ITGA2B: variants seen among roughly 807,000 people sequenced by gnomAD.
ITGA2B encodes the protein integrin alpha-IIb.
ITGA2B carries 91 observed loss-of-function variants against 142.0 expected under a neutral mutation model. The observed-to-expected ratio is 0.64, with a 90% CI of 0.54 to 0.76. ITGA2B has a LOEUF of 0.76. Ranked by LOEUF, ITGA2B falls within the 30% of genes least tolerant of loss-of-function variation. ITGA2B has a pLI of 0.00. For missense variants in ITGA2B, 1,231 were observed against 1,350.8 expected, an observed-to-expected ratio of 0.91 and a Z score of 1.39; for synonymous variants, 536 against 567.2, an observed-to-expected ratio of 0.94 and a Z score of 0.78.
Position 44,375,095 on chromosome 17 carries a change from G to C in ITGA2B, c.2744C>G (p.Pro915Arg). Reference sequence around the variant, plus strand: ...CAGGTCACACTGCACCACAGTACAGGGCGCCGAGTCGCAGCTCTGAGGGGA... The same window carrying C: ...CAGGTCACACTGCACCACAGTACAGCGCGCCGAGTCGCAGCTCTGAGGGGA... ...DPVLVSCDSA[P>R]CTVVQCDLQE... Residue 915 changes from proline (P) to arginine (R), a missense_variant, in exon 27 of 30, where the codon CCC (proline) becomes CGC (arginine). Around this residue, in one of 3 missense-constraint regions of ITGA2B, gnomAD observed 908 missense variants for 1,021.1 expected, o/e 0.89. Coordinates refer to ENST00000262407, the MANE Select transcript of ITGA2B (RefSeq NM_000419.5). The C allele has an allele frequency of 1.9e-6, 3 of 1,549,148 alleles. No homozygotes were observed. Among genetic ancestry groups the C allele is most frequent in the Non-Finnish European group, 2.6e-6 (3 of 1,146,944 alleles).
At chr17:44,387,437 C>T (rs1446208290) in intron 1 of ITGA2B, among the ~76,000 whole-genome samples, 10 of 151,974 alleles carry the variant, frequency 6.6e-5, no homozygotes, top group Admixed American at 2.6e-4. Context: ...ACAGGAGAAT[C>T]GTTTGAACCC....
In ITGA2B at chr17:44,380,454, C is replaced by G; in HGVS notation, c.1476G>C (p.Leu492=). 1 of 1,614,138 alleles carries G rather than the reference C, an allele frequency of 6.2e-7. No homozygotes were observed. The highest frequency in any genetic ancestry group is 1.3e-5 in the African/African-American group (1 of 75,050). Reference sequence around the variant, plus strand: ...CAGCAGGATTCAGTGAATCTTGCACCAGTAGCTGGACAGAGGCCTTCACCA... The same window carrying G: ...CAGCAGGATTCAGTGAATCTTGCACGAGTAGCTGGACAGAGGCCTTCACCA... The part of the protein sequence containing the change: ...QPVVKASVQL[L]VQDSLNPAVK... The change falls in exon 15 of 30, where the codon CTG becomes CTC. Residue 492 remains leucine, a synonymous_variant. Transcript: ENST00000262407.
At chr17:44,388,841 T>C (rs1010456266) in intron 1 of ITGA2B, among the ~76,000 whole-genome samples, 1 of 136,800 alleles carries the variant, frequency 7.3e-6, no homozygotes, top group Admixed American at 7.7e-5. Context: ...TTTTTTGTAT[T>C]TTTAGTAGAG....
At chr17:44,387,932 C>T (rs2048664935) in intron 1 of ITGA2B, among the ~76,000 whole-genome samples, 1 of 152,038 alleles carries the variant, frequency 6.6e-6, no homozygotes, top group African/African-American at 2.4e-5. Context: ...CCACACCTGC[C>T]TCCACTCTCC....
chr17:44,377,077 C>T lies in ITGA2B; in HGVS notation c.2199G>A (p.Ala733=), dbSNP rs747199130. The change falls in exon 22 of 30, where the codon GCG becomes GCA. Residue 733 remains alanine, a synonymous_variant. Coordinates refer to ENST00000262407, the MANE Select transcript of ITGA2B (RefSeq NM_000419.5). ...CCAGATTCCCCACGCTCACCAACAT[C>T]GCGATTCCTATCTGGGAGATGAGGA... ...PMKKNAQIGI[A]MLVSVGNLEE... 1.7e-5 allele frequency: 27 copies of T among 1,579,604 alleles called. No homozygotes were observed. Among genetic ancestry groups the T allele is most frequent in the Middle Eastern group, 1.7e-4 (1 of 6,026 alleles).
At position 44,386,025 on chromosome 17, in the gene ITGA2B, G is replaced by A; in HGVS notation, c.295C>T (p.Leu99=). ...TGGGACTCACGGAGGTCAAAGAGCA[G>A]CGAGGGGCACTGGCCGCCCTCGGCC... ...WRAEGGQCPS[L]LFDLRDETRN... is the part of the protein sequence containing the mutation. Residue 99 remains leucine (L), a synonymous_variant, in exon 2 of 30, where the codon CTG becomes TTG. Coordinates refer to ENST00000262407, the MANE Select transcript of ITGA2B (RefSeq NM_000419.5). 1 of 1,613,718 alleles carries A rather than the reference G, an allele frequency of 6.2e-7. No individual in the cohort carries two copies. Among genetic ancestry groups the A allele is most frequent in the East Asian group, 2.2e-5 (1 of 44,882 alleles).
Position 44,379,908 on chromosome 17 carries a change from C to T in ITGA2B, c.1752+94G>A, listed in dbSNP as rs2048578983. 4.3e-6 allele frequency: 7 copies of T among 1,612,544 alleles called. No individual in the cohort carries two copies. The Admixed American group carries it at 8.3e-5, about 19-fold the overall frequency. ...ACCGTGTCCTGACCACCCCCGGACTCACAGCACCCAGCTCAGTGCCCCAGG... is the reference window on the plus strand; with the variant it reads ...ACCGTGTCCTGACCACCCCCGGACTTACAGCACCCAGCTCAGTGCCCCAGG... On this transcript the variant is annotated intron_variant, in intron 17 of 29. Coordinates refer to ENST00000262407, the MANE Select transcript of ITGA2B (RefSeq NM_000419.5).
Position 44,378,455 on chromosome 17 carries a change from G to C in ITGA2B, c.2001C>G (p.Asp667Glu), listed in dbSNP as rs184333409. Residue 667 changes from aspartate (D) to glutamate (E), a missense_variant, in exon 20 of 30, where the codon GAC becomes GAG. Physicochemically the swap from Asp to Glu is conservative, Grantham distance 45 (BLOSUM62 2). Around this residue, in one of 3 missense-constraint regions of ITGA2B, gnomAD observed 908 missense variants for 1,021.1 expected, o/e 0.89. Coordinates refer to ENST00000262407, the MANE Select transcript of ITGA2B (RefSeq NM_000419.5). ...GADNVLELQM[D>E]AANEGEGAYE... The stretch of plus-strand genomic sequence containing the variant: ...AGGCCCCCTCGCCCTCGTTGGCTGC[G>C]TCCATCTGCAGCTCCAGGACATTAT... 6.2e-7 allele frequency: 1 copy of C among 1,613,592 alleles called. No homozygotes were observed. The highest frequency in any genetic ancestry group is 8.5e-7 in the Non-Finnish European group (1 of 1,179,886).
chr17:44,375,161 T>G, intron 26 of ITGA2B, 50 bp from the exon 27 acceptor site: 1 of 1,464,856 alleles, frequency 6.8e-7, no homozygotes, highest in Non-Finnish European at 9.3e-7. Flanking sequence ...CATCACCCCA[T>G]CATCCCCCAC....
At position 44,384,473 on chromosome 17, in the gene ITGA2B, G is replaced by A. The variant is rs2048625943; in HGVS notation, c.847+65C>T. On this transcript the variant is annotated intron_variant, in intron 8 of 29. Coordinates refer to ENST00000262407, the MANE Select transcript of ITGA2B (RefSeq NM_000419.5). ...CAGGAAGATTTCCCTACATAGGGGA[G>A]ATTTCAGGAAGGCGCTCCTCCCCGG... is the stretch of plus-strand genomic sequence containing the variant. The A allele has an allele frequency of 9.3e-6, 15 of 1,609,942 alleles. No homozygotes were observed. The South Asian group carries it at 1.6e-4, about 18-fold the overall frequency.
At chr17:44,374,088 T>G in intron 29 of ITGA2B, 1 of 430,956 alleles carries the variant, frequency 2.3e-6, no homozygotes, top group South Asian at 2.1e-5. Flanking sequence ...GTATTTTTAG[T>G]AGAGATGGGG....
intron 22 of ITGA2B, 130 bp downstream of exon 22, chr17:44,376,879 C>A: frequency 1.3e-6 from 1 of 741,384 alleles, no homozygotes; most frequent in Admixed American, 2.0e-5. Context: ...TCGCAACGTG[C>A]TGGGATTACA....
At chr17:44,384,466 T>C in intron 8 of ITGA2B, 72 bp downstream of exon 8, 1 of 1,607,112 alleles carries the variant, frequency 6.2e-7, no homozygotes, top group Non-Finnish European at 8.5e-7. Flanking sequence ...TTTCCCTACA[T>C]AGGGGAGATT....
chr17:44,378,028 T>C lies in ITGA2B; in HGVS notation c.2095-238A>G, dbSNP rs542989531. On this transcript the variant is annotated intron_variant, in intron 20 of 29. Transcript: ENST00000262407. ...CATTAGAGTATGACCCCCATTATTA[T>C]AAACTATATTAACAACATAAAAAAT... 7.3e-5 allele frequency among the ~76,000 whole-genome samples: 11 copies of C among 150,970 alleles called. No individual in the cohort carries two copies. The East Asian group carries it at 1.2e-3, about 16-fold the overall frequency.
chr17:44,382,676 C>A (rs1367407630), intron 12 of ITGA2B, among the ~76,000 whole-genome samples: 1 of 152,120 alleles, frequency 6.6e-6, no homozygotes, highest in East Asian at 1.9e-4. Context: ...CCATGCCTGG[C>A]ACCCTCTTCT....
Position 44,374,648 on chromosome 17 carries a change from C to T in ITGA2B, c.2943+11G>A, listed in dbSNP as rs762098188. On this transcript the variant is annotated intron_variant, in intron 28 of 29. Coordinates refer to ENST00000262407, the MANE Select transcript of ITGA2B (RefSeq NM_000419.5). ...GCAGGACTGGTCTCTGCTCCATCCC[C>T]CCACACTCACCTGAGCTTCCCCTCG... 4.3e-6 allele frequency: 7 copies of T among 1,610,662 alleles called. 1 individual carries two copies. In the East Asian group the frequency reaches 1.6e-4, roughly 36 times the overall value.
Position 44,380,617 on chromosome 17 carries a change from G to T in ITGA2B, c.1422C>A (p.Asn474Lys). The change falls in exon 14 of 30, where the codon AAC (asparagine) becomes AAA (lysine). Residue 474 changes from asparagine (N) to lysine (K), a missense_variant. Around this residue, in one of 3 missense-constraint regions of ITGA2B, gnomAD observed 908 missense variants for 1,021.1 expected, o/e 0.89. Transcript: ENST00000262407. ...GTGCTCACCTGTACACAGCCACCTGGTTGGCCCCGTAAGCTCCCACGATCA... is the reference window on the plus strand; with the variant it reads ...GTGCTCACCTGTACACAGCCACCTGTTTGGCCCCGTAAGCTCCCACGATCA... Reference protein sequence around the residue: ...PDLIVGAYGANQVAVYRAQPV... With the variant: ...PDLIVGAYGAKQVAVYRAQPV... 2 of 1,614,184 alleles carry T rather than the reference G, an allele frequency of 1.2e-6. No homozygotes were observed.
At position 44,385,434 on chromosome 17, in the gene ITGA2B, G is replaced by A. The variant is rs2048637613; in HGVS notation, c.575-99C>T. 4 of 1,527,012 alleles carry A rather than the reference G, an allele frequency of 2.6e-6. No individual in the cohort carries two copies. In the Admixed American group the frequency reaches 5.9e-5, roughly 22 times the overall value. The allele number at this position is 1,527,012 out of a possible 1,614,324, so 94.6% of individuals were successfully genotyped here. ...GACAGGGGCGGGGCCTTGAGTCGGCGGGGCCCTGGGGCGAGGCCAGATCCA... is the reference window on the plus strand; with the variant it reads ...GACAGGGGCGGGGCCTTGAGTCGGCAGGGCCCTGGGGCGAGGCCAGATCCA... On this transcript the variant is annotated intron_variant, in intron 4 of 29. Transcript: ENST00000262407.
At chr17:44,381,213 G>T in intron 12 of ITGA2B, 152 bp from the exon 13 acceptor site, 2 of 687,018 alleles carry the variant, frequency 2.9e-6, no homozygotes, top group Non-Finnish European at 4.8e-6. Context: ...CCCTCCAGGA[G>T]TTAACAATCA....
Sources: allele counts gnomAD v4.1 joint callset (sites outside exome capture counted in the v4.1 genomes callset), GRCh38; gene constraint gnomAD v4.1.1; regional missense constraint gnomAD v4.1.1; transcripts MANE v1.5; gene names NCBI Gene and HGNC (gene_info 2026-07-23, HGNC 2026-07-21).